Variants in CNBD1 observed in about 807,000 individuals in gnomAD.
The protein encoded by CNBD1 is cyclic nucleotide binding domain containing 1.
A neutral mutation model predicts 54.4 loss-of-function variants in CNBD1; 71 were observed. The ratio of observed to expected loss-of-function variants is 1.30; its 90% CI spans 1.08 to 1.59. The LOEUF (loss-of-function observed/expected upper bound fraction) is 1.59, where lower values mean the gene tolerates loss of function less well. Among genes scored for constraint, CNBD1 ranks in the 40% most tolerant of loss-of-function variants. The probability of loss-of-function intolerance (pLI) is 0.00; values close to 1 mark genes in which losing one functional copy is unlikely to be tolerated. For missense variants in CNBD1, 659 were observed against 518.0 expected, an observed-to-expected ratio of 1.27 and a Z score of -2.64; for synonymous variants, 182 against 170.7, an observed-to-expected ratio of 1.07 and a Z score of -0.51.
rs1301161414 is a variant in CNBD1 at position 87,360,666 on chromosome 8, C to A, written c.1303+6880C>A. On this transcript the variant is annotated intron_variant, in intron 10 of 10. Transcript: ENST00000518476. ...CTACTTTTGTAATGAGAAAGAATTT[C>A]TTTTTATCTATAAAATGAATTACTG... is the stretch of plus-strand genomic sequence containing the variant. Among the ~76,000 whole-genome samples, 4 of 151,972 alleles carry A rather than the reference C, an allele frequency of 2.6e-5. No homozygotes were observed. In the East Asian group the frequency reaches 5.8e-4, roughly 22 times the overall value.
intron 2 of CNBD1, among the ~76,000 whole-genome samples, chr8:87,390,595 G>A (rs180824940): frequency 5.4e-4 from 82 of 152,136 alleles, no homozygotes; most frequent in African/African-American, 2.0e-3. Context: ...GAAACAAGAG[G>A]TGCTGGAGAG....
chr8:86,875,473 G>T (rs752242816), intron 1 of CNBD1, among the ~76,000 whole-genome samples: 1 of 152,174 alleles, frequency 6.6e-6, no homozygotes, highest in Non-Finnish European at 1.5e-5. Flanking sequence ...TCTGGAATAA[G>T]CCACTTTGGC....
At chr8:86,934,412 T>C (rs1355891065) in intron 3 of CNBD1, among the ~76,000 whole-genome samples, 4 of 152,168 alleles carry the variant, frequency 2.6e-5, no homozygotes, top group African/African-American at 9.6e-5. Context: ...TTCTTTTGGA[T>C]ATTCCATATA....
At chr8:87,270,635 A>G (rs1442026091) in intron 6 of CNBD1, among the ~76,000 whole-genome samples, 2 of 151,884 alleles carry the variant, frequency 1.3e-5, no homozygotes, top group Non-Finnish European at 2.9e-5. Flanking sequence ...ATAAATATAA[A>G]TCATCCTATT....
chr8:87,397,447 T>A (rs1811429775), intron 2 of CNBD1, among the ~76,000 whole-genome samples: 1 of 151,938 alleles, frequency 6.6e-6, no homozygotes, highest in South Asian at 2.1e-4. Flanking sequence ...ACATTTTGCC[T>A]AAGTGCTGGG....
intron 4 of CNBD1, among the ~76,000 whole-genome samples, chr8:86,968,373 T>A (rs1563841475): frequency 6.6e-6 from 1 of 152,100 alleles, no homozygotes; most frequent in Admixed American, 6.5e-5. Flanking sequence ...CAAGCATGAG[T>A]GGGTCCTCTG....
At chr8:86,883,241 C>A (rs2131781153) in intron 1 of CNBD1, among the ~76,000 whole-genome samples, 1 of 151,718 alleles carries the variant, frequency 6.6e-6, no homozygotes, top group Non-Finnish European at 1.5e-5. Flanking sequence ...TTTCTTAATC[C>A]AGACAAAATT....
intron 4 of CNBD1, among the ~76,000 whole-genome samples, chr8:87,016,472 A>G (rs549911698): frequency 6.2e-4 from 93 of 150,298 alleles, no homozygotes; most frequent in Non-Finnish European, 1.2e-3. Context: ...AAAAAAAACT[A>G]TCTAGGGCAA....
chr8:87,268,293 G>T (rs1445855394), intron 6 of CNBD1, among the ~76,000 whole-genome samples: 1 of 152,014 alleles, frequency 6.6e-6, no homozygotes, highest in Non-Finnish European at 1.5e-5. Context: ...TTGTTCTTTT[G>T]TATGGTTTTG....
chr8:87,304,401 C>T (rs1189993114), intron 8 of CNBD1, among the ~76,000 whole-genome samples: 5 of 151,922 alleles, frequency 3.3e-5, no homozygotes, highest in Admixed American at 3.3e-4. Context: ...AAACCAAACA[C>T]TGCATGTTCT....
downstream of CNBD1, among the ~76,000 whole-genome samples, chr8:87,386,360 C>T (rs187768001): frequency 5.4e-4 from 82 of 151,846 alleles, no homozygotes; most frequent in East Asian, 0.015. Flanking sequence ...AGTTAAAAAC[C>T]TTGAAAAAAA....
intron 8 of CNBD1, among the ~76,000 whole-genome samples, chr8:87,350,332 TTAA>T (rs1810259695): frequency 6.6e-6 from 1 of 152,040 alleles, no homozygotes; most frequent in Admixed American, 6.5e-5. Context: ...GAATAACCTT[TTAA>T]TTTTTTATTA....
intron 8 of CNBD1, among the ~76,000 whole-genome samples, chr8:87,319,073 A>G (rs909189171): frequency 6.6e-6 from 1 of 152,124 alleles, no homozygotes; most frequent in Non-Finnish European, 1.5e-5. Context: ...GTTTAATGCA[A>G]TACTAGTATA....
intron 2 of CNBD1, among the ~76,000 whole-genome samples, chr8:87,417,609 C>T (rs1330208459): frequency 6.6e-6 from 1 of 151,760 alleles, no homozygotes; most frequent in Non-Finnish European, 1.5e-5. Context: ...ACAAAATTTA[C>T]ATACACACAA....
chr8:87,270,346 A>G (rs1389544706), intron 6 of CNBD1, among the ~76,000 whole-genome samples: 2 of 152,038 alleles, frequency 1.3e-5, no homozygotes, highest in Non-Finnish European at 2.9e-5. Context: ...TATGTGGCCA[A>G]CAAGCATATG....
intron 4 of CNBD1, among the ~76,000 whole-genome samples, chr8:86,954,496 A>G (rs1222522260): frequency 6.6e-6 from 1 of 152,230 alleles, no homozygotes; most frequent in East Asian, 1.9e-4. Flanking sequence ...CAAACCTTGC[A>G]TAACTTGTTT....
At chr8:86,964,050 C>A (rs112542317) in intron 4 of CNBD1, among the ~76,000 whole-genome samples, 1,895 of 98,726 alleles carry the variant, frequency 0.019, 31 homozygotes, top group African/African-American at 0.056. Context: ...TTGGGCCTCC[C>A]AATCCTATTT....
chr8:87,061,846 C>T (rs1810554522), intron 4 of CNBD1, among the ~76,000 whole-genome samples: 1 of 152,184 alleles, frequency 6.6e-6, no homozygotes. Flanking sequence ...ACATGATTCT[C>T]CTAATAGCTT....
intron 1 of CNBD1, 140 bp downstream of exon 1, chr8:86,866,723 A>AC (rs1808370705): frequency 3.0e-6 from 2 of 657,354 alleles, no homozygotes; most frequent in Non-Finnish European, 5.4e-6. Flanking sequence ...AATGGAAAGA[A>AC]CATAGATGTG....
Sources: allele counts gnomAD v4.1 joint callset (sites outside exome capture counted in the v4.1 genomes callset), GRCh38; gene constraint gnomAD v4.1.1; transcripts MANE v1.5; gene names NCBI Gene and HGNC (gene_info 2026-07-23, HGNC 2026-07-21).